The following APC variants were observed in gnomAD, a reference collection of about 807,000 sequenced individuals.
APC encodes adenomatous polyposis coli protein.
Under a neutral mutation model 247.0 loss-of-function variants are expected in APC, and 72 were observed. The observed-to-expected ratio is 0.29, with a 90% CI of 0.24 to 0.35. The LOEUF (loss-of-function observed/expected upper bound fraction) is 0.35, where lower values mean the gene tolerates loss of function less well. APC is among the 10% of genes least tolerant of loss of function. The pLI, the probability that APC is intolerant of heterozygous loss-of-function variation, is 1.00. For synonymous variants in APC, 1,254 were observed against 1,162.5 expected (o/e 1.08, Z -1.60); for missense variants, 3,400 against 3,360.7 (o/e 1.01, Z -0.29).
Position 112,821,375 on chromosome 5 carries a change from G to C in APC, c.1313-521G>C, listed in dbSNP as rs1016587741. 2.0e-5 allele frequency among the ~76,000 whole-genome samples: 3 copies of C among 151,868 alleles called. 1 individual carries two copies. Among genetic ancestry groups the C allele is most frequent in the African/African-American group, 4.8e-5 (2 of 41,440 alleles). Reference sequence around the variant, plus strand: ...TTTAAAAATTAGCTAGGGATTGTGGGGTATGCCTGTAGTCCTAGCTGCTCC... The same window carrying C: ...TTTAAAAATTAGCTAGGGATTGTGGCGTATGCCTGTAGTCCTAGCTGCTCC... On this transcript the variant is annotated intron_variant, in intron 10 of 15. Transcript: ENST00000257430.
At chr5:112,782,810 C>T (rs1211310950) in intron 6 of APC, among the ~76,000 whole-genome samples, 1 of 151,878 alleles carries the variant, frequency 6.6e-6, no homozygotes, top group African/African-American at 2.4e-5. Context: ...TCAACAGGTA[C>T]CTGAAAGAAA....
intron 1 of APC, among the ~76,000 whole-genome samples, chr5:112,730,870 A>G (rs890419094): frequency 4.6e-5 from 7 of 152,138 alleles, no homozygotes; most frequent in Non-Finnish European, 1.0e-4. Flanking sequence ...AAGAAATTAT[A>G]TATATTAGGT....
intron 6 of APC, among the ~76,000 whole-genome samples, chr5:112,786,548 G>T (rs1285285009): frequency 6.6e-6 from 1 of 152,120 alleles, no homozygotes; most frequent in African/African-American, 2.4e-5. Flanking sequence ...CTTACTACTG[G>T]GATGTGGGAA....
In APC at chr5:112,840,183, A is replaced by G. The variant is rs2149918334; in HGVS notation, c.4589A>G (p.Glu1530Gly). 6.2e-7 allele frequency: 1 copy of G among 1,614,212 alleles called. No homozygotes were observed. The highest frequency in any genetic ancestry group is 1.1e-5 in the South Asian group (1 of 91,086). Reference sequence around the variant, plus strand: ...TTAAGAATAATGCCTCCAGTTCAGGAAAATGACAATGGGAATGAAACAGAA... The same window carrying G: ...TTAAGAATAATGCCTCCAGTTCAGGGAAATGACAATGGGAATGAAACAGAA... ...VELRIMPPVQ[E>G]NDNGNETESE... The change falls in exon 16 of 16, where the codon GAA becomes GGA. Residue 1530 changes from glutamate to glycine, a missense_variant. Around this residue, in one of 9 missense-constraint regions of APC, gnomAD observed 1,788 missense variants for 1,649.5 expected, o/e 1.08. Coordinates refer to ENST00000257430, the MANE Select transcript of APC (RefSeq NM_000038.6). This position sits in a 1 kb window ranked among gnomAD's most constrained non-coding sequence, Gnocchi z 4.1.
intron 2 of APC, among the ~76,000 whole-genome samples, chr5:112,764,555 TGTTA>T (rs1451772779): frequency 7.9e-5 from 12 of 152,186 alleles, no homozygotes; most frequent in Admixed American, 5.2e-4. Flanking sequence ...TGGTACAAAA[TGTTA>T]GTTCAGTTCT....
chr5:112,755,094 G>A (rs1754810755), intron 2 of APC, 69 bp downstream of exon 2: 2 of 1,600,244 alleles, frequency 1.2e-6, no homozygotes, highest in East Asian at 2.2e-5. Flanking sequence ...GTAAACTTGA[G>A]GTAAGACACT....
chr5:112,737,993 C>G (rs1353258330), intron 1 of APC, 68 bp downstream of exon 1: 3 of 935,482 alleles, frequency 3.2e-6, no homozygotes, highest in Admixed American at 6.2e-5. Flanking sequence ...TTCCCTCGCA[C>G]TGTCTTAAAC....
chr5:112,804,137 G>A (rs569191168), intron 8 of APC, among the ~76,000 whole-genome samples: 41 of 152,174 alleles, frequency 2.7e-4, no homozygotes, highest in African/African-American at 9.9e-4. Context: ...CTTCCCCACC[G>A]TTTAAATGTC....
chr5:112,745,253 T>C (rs1753514141), intron 1 of APC, among the ~76,000 whole-genome samples: 1 of 152,084 alleles, frequency 6.6e-6, no homozygotes, highest in Admixed American at 6.5e-5. Context: ...GCAATAGTCT[T>C]CCATTAATCT....
At chr5:112,807,557 T>G (rs1661135226) in intron 8 of APC, among the ~76,000 whole-genome samples, 1 of 151,992 alleles carries the variant, frequency 6.6e-6, no homozygotes, top group Non-Finnish European at 1.5e-5. Flanking sequence ...TCAAGCAACC[T>G]AAGCTTTTCT....
chr5:112,755,080 T>C (rs752012764), intron 2 of APC, 55 bp downstream of exon 2: 7 of 1,608,120 alleles, frequency 4.4e-6, no homozygotes, highest in Non-Finnish European at 6.0e-6. Context: ...CAGTATTCCC[T>C]CTTGTAAACT....
upstream of APC, among the ~76,000 whole-genome samples, chr5:112,735,062 T>C (rs1752305426): frequency 6.6e-6 from 1 of 152,166 alleles, no homozygotes; most frequent in South Asian, 2.1e-4. Context: ...TGAAACCATT[T>C]ACTAAAAGCA....
In APC at chr5:112,819,109, T is replaced by A. The variant is rs1580529020; in HGVS notation, c.1077T>A (p.Leu359=). ...GATGTCTTCCTCTCCTCATCCAGCT[T>A]TTACATGGCAATGACAAAGACTCTG... ...QSGCLPLLIQ[L]LHGNDKDSVL... The change falls in exon 10 of 16, where the codon CTT becomes CTA. Residue 359 remains leucine, a synonymous_variant. Transcript: ENST00000257430. 2 of 1,614,136 alleles carry A rather than the reference T, an allele frequency of 1.2e-6. No homozygotes were observed. The highest frequency in any genetic ancestry group is 3.3e-5 in the Admixed American group (2 of 60,010).
chr5:112,762,445 T>G (rs961234617), intron 2 of APC, among the ~76,000 whole-genome samples: 1 of 152,130 alleles, frequency 6.6e-6, no homozygotes, highest in African/African-American at 2.4e-5. Context: ...AGATGCCCCT[T>G]TAAGAGGAGA....
At chr5:112,796,941 A>G (rs1305047357) in intron 7 of APC, among the ~76,000 whole-genome samples, 2 of 151,882 alleles carry the variant, frequency 1.3e-5, no homozygotes, top group Non-Finnish European at 2.9e-5. Flanking sequence ...TCTTTTATTT[A>G]TGTAATATAA....
At position 112,840,381 on chromosome 5, in the gene APC, A is replaced by C. The variant is rs1561595516; in HGVS notation, c.4787A>C (p.Gln1596Pro). 1.2e-6 allele frequency: 2 copies of C among 1,614,196 alleles called. No homozygotes were observed. Among genetic ancestry groups the C allele is most frequent in the Non-Finnish European group, 1.7e-6 (2 of 1,180,010 alleles). ...KSSRKAKKPA[Q>P]TASKLPPPVA... ...TCACGTAAAGCAAAAAAGCCAGCCC[A>C]GACTGCTTCAAAATTACCTCCACCT... is the stretch of plus-strand genomic sequence containing the variant. Residue 1596 changes from glutamine (Q) to proline (P), a missense_variant, in exon 16 of 16, where the codon CAG (glutamine) becomes CCG (proline). Coordinates refer to ENST00000257430, the MANE Select transcript of APC (RefSeq NM_000038.6). The surrounding 1 kb of genome is among the most constrained non-coding windows in gnomAD (Gnocchi z 4.1).
intron 1 of APC, among the ~76,000 whole-genome samples, chr5:112,713,170 C>CCAA (rs1554060842): frequency 9.3e-6 from 1 of 107,892 alleles, no homozygotes; most frequent in Admixed American, 9.0e-5. Flanking sequence ...GACTCCATAG[C>CCAA]AAAAAAAAAA....
chr5:112,707,583 CT>C, exon 1 of APC: 1 of 958,384 alleles, frequency 1.0e-6, no homozygotes, highest in South Asian at 1.5e-5. Context: ...CTAGCCGCTG[CT>C]CGGGGGGGAC....
rs561290706 is a variant in APC at position 112,723,954 on chromosome 5, AC to A, written c.165+16073del. 5.1e-3 allele frequency among the ~76,000 whole-genome samples: 784 copies of A among 152,234 alleles called. 8 individuals carry two copies. Among genetic ancestry groups the A allele is most frequent in the Middle Eastern group, 0.014 (4 of 294 alleles). On this transcript the variant is annotated intron_variant, in intron 1 of 13. Transcript: ENST00000507379. ...CAGGGTTTAATGATTAGAAATGAGA[AC>A]AAAATTCAGATGAAAAAAAGAGCAG... is the stretch of plus-strand genomic sequence containing the variant.
Sources: gnomAD v4.1 joint callset for allele counts (sites outside exome capture counted in the v4.1 genomes callset) on GRCh38, gnomAD v4.1.1 for gene constraint, gnomAD v4.1.1 regional missense constraint, Gnocchi (gnomAD v3.1) non-coding constraint, MANE v1.5 for transcripts, NCBI Gene and HGNC (gene_info 2026-07-23, HGNC 2026-07-21) for gene names.